ARHGEF4: variants seen among roughly 807,000 people sequenced by gnomAD.
ARHGEF4 encodes the protein APC-stimulated guanine nucleotide exchange factor 1.
Under a neutral mutation model 162.0 loss-of-function variants are expected in ARHGEF4, and 119 were observed. The ratio of observed to expected loss-of-function variants is 0.73; its 90% CI spans 0.63 to 0.86. ARHGEF4 has a LOEUF of 0.86. Ranked by LOEUF, ARHGEF4 falls within the 40% of genes least tolerant of loss-of-function variation. The pLI, the probability that ARHGEF4 is intolerant of heterozygous loss-of-function variation, is 0.00. For missense variants in ARHGEF4, 2,488 were observed against 2,456.0 expected (o/e 1.01, Z -0.28); for synonymous variants, 1,014 against 979.9 (o/e 1.03, Z -0.65).
At chr2:130,977,274 G>A (rs942866112) in intron 4 of ARHGEF4, among the ~76,000 whole-genome samples, 1 of 151,908 alleles carries the variant, frequency 6.6e-6, no homozygotes, top group Admixed American at 6.6e-5. Flanking sequence ...GTATGTGCTA[G>A]TGTGGTGTGT....
At chr2:130,981,135 GAGGC>G (rs1383895318) in intron 4 of ARHGEF4, among the ~76,000 whole-genome samples, 1 of 152,066 alleles carries the variant, frequency 6.6e-6, no homozygotes, top group Admixed American at 6.5e-5. Flanking sequence ...TAGATCATTA[GAGGC>G]AAGCAAATCC....
intron 5 of ARHGEF4, among the ~76,000 whole-genome samples, chr2:131,036,536 T>A (rs1383113239): frequency 6.6e-6 from 1 of 152,210 alleles, no homozygotes; most frequent in East Asian, 1.9e-4. Flanking sequence ...GAAGCCCTCC[T>A]CTTGCCCGAC....
intron 5 of ARHGEF4, among the ~76,000 whole-genome samples, chr2:131,031,643 C>T (rs1042014601): frequency 2.0e-5 from 3 of 152,188 alleles, no homozygotes; most frequent in African/African-American, 4.8e-5. Context: ...CCCTGCCCCT[C>T]GTGAGTGTCC....
intron 8 of ARHGEF4, among the ~76,000 whole-genome samples, chr2:131,041,015 CG>C (rs992450264): frequency 2.0e-5 from 3 of 152,142 alleles, no homozygotes; most frequent in Admixed American, 1.3e-4. Context: ...AGCGTGCAGC[CG>C]GGACACCTGC....
intron 1 of ARHGEF4, among the ~76,000 whole-genome samples, chr2:130,907,453 G>A (rs1013913844): frequency 2.0e-5 from 3 of 151,318 alleles, no homozygotes; most frequent in East Asian, 2.0e-4. Context: ...TCCTGACCTC[G>A]TGATCCGCCC....
Position 131,032,848 on chromosome 2 carries a change from C to CTT in ARHGEF4, c.4125+4785_4125+4786dup, listed in dbSNP as rs111971610. Among the ~76,000 whole-genome samples the CTT allele has an allele frequency of 4.0e-3, 520 of 128,516 alleles. 6 individuals are homozygous for CTT. Among genetic ancestry groups the CTT allele is most frequent in the African/African-American group, 6.8e-3 (201 of 29,724 alleles). 84.3% of individuals were successfully genotyped at this position (128,516 alleles called of 152,430 possible). On this transcript the variant is annotated intron_variant, in intron 5 of 13. Transcript: ENST00000409359. ...TTTCTTTTCTTTTCTTTTCTTTTTT[C>CTT]TTTTTTTTTTTTTTTTTTTTTTGAG...
chr2:130,847,547 T>G (rs1477306309), intron 1 of ARHGEF4, among the ~76,000 whole-genome samples: 2 of 152,246 alleles, frequency 1.3e-5, no homozygotes, highest in African/African-American at 4.8e-5. Context: ...TCACATGTGC[T>G]GACGTTTGTG....
rs370262898 is a variant in ARHGEF4 at position 130,887,824 on chromosome 2, C to T, written c.40-26162C>T. 7.2e-5 allele frequency among the ~76,000 whole-genome samples: 11 copies of T among 152,202 alleles called. 1 individual carries two copies. Among genetic ancestry groups the T allele is most frequent in the African/African-American group, 2.4e-4 (10 of 41,464 alleles). ...TCTCCAGGACGGCGTCCTTTGCCTC[C>T]ACTGTGCTGGGAAGGAGGATGGAGG... On this transcript the variant is annotated intron_variant, in intron 1 of 13. Transcript: ENST00000409359.
chr2:130,892,201 T>C (rs1334330455), intron 1 of ARHGEF4, among the ~76,000 whole-genome samples: 1 of 152,112 alleles, frequency 6.6e-6, no homozygotes, highest in Non-Finnish European at 1.5e-5. Context: ...GACCTAGTGG[T>C]CTTGAGGCTC....
chr2:130,844,152 C>G (rs1026953873), intron 1 of ARHGEF4, among the ~76,000 whole-genome samples: 1 of 152,272 alleles, frequency 6.6e-6, no homozygotes, highest in Non-Finnish European at 1.5e-5. Context: ...CTGAGCGCAA[C>G]TAGCTCCCTG....
At chr2:130,840,186 GCACA>G (rs1322762473) in intron 1 of ARHGEF4, among the ~76,000 whole-genome samples, 6 of 151,846 alleles carry the variant, frequency 4.0e-5, no homozygotes, top group East Asian at 1.9e-4. Flanking sequence ...GGACACACAG[GCACA>G]CACACAGACA....
Position 130,915,819 on chromosome 2 carries a change from T to G in ARHGEF4, c.1873T>G (p.Ser625Ala), listed in dbSNP as rs1254156548. The change falls in exon 2 of 14, where the codon TCG becomes GCG. Residue 625 changes from serine to alanine, a missense_variant. Coordinates refer to ENST00000409359, the MANE Select transcript of ARHGEF4 (RefSeq NM_001367493.1). Reference protein sequence around the residue: ...QLEPKAGGEASRGRGALIIVA... With the variant: ...QLEPKAGGEAARGRGALIIVA... ...GGAGCCCAAAGCAGGCGGCGAGGCCTCGAGGGGCAGGGGCGCCCTCATCAT... is the reference window on the plus strand; with the variant it reads ...GGAGCCCAAAGCAGGCGGCGAGGCCGCGAGGGGCAGGGGCGCCCTCATCAT... 1 of 1,525,624 alleles carries G rather than the reference T, an allele frequency of 6.6e-7. No homozygotes were observed. 94.5% of individuals were successfully genotyped at this position (1,525,624 alleles called of 1,614,324 possible). A position where few individuals can be genotyped will look rare whatever the true frequency, so the allele number is the denominator to read the frequency against.
chr2:130,898,337 G>A (rs1188154549), intron 1 of ARHGEF4, among the ~76,000 whole-genome samples: 1 of 152,196 alleles, frequency 6.6e-6, no homozygotes, highest in Non-Finnish European at 1.5e-5. Flanking sequence ...GAAGAAGCGG[G>A]GAGCCTTCCA....
At chr2:130,872,151 T>G (rs894026273) in intron 1 of ARHGEF4, among the ~76,000 whole-genome samples, 2 of 152,100 alleles carry the variant, frequency 1.3e-5, no homozygotes, top group African/African-American at 4.8e-5. Context: ...TAAAAATGAG[T>G]TAAAGCCTAT....
At chr2:130,926,052 T>TTCTC in intron 2 of ARHGEF4, among the ~76,000 whole-genome samples, 1 of 98,388 alleles carries the variant, frequency 1.0e-5, no homozygotes, top group East Asian at 2.7e-4. Context: ...TTCTTTCTCT[T>TTCTC]TCTTTCTTTC....
intron 1 of ARHGEF4, among the ~76,000 whole-genome samples, chr2:130,855,102 C>G (rs765898971): frequency 4.6e-5 from 7 of 151,788 alleles, no homozygotes; most frequent in Non-Finnish European, 7.4e-5. Flanking sequence ...GCCTCAATCT[C>G]CTGACCTTGT....
At chr2:130,906,852 T>C (rs1680844588) in intron 1 of ARHGEF4, among the ~76,000 whole-genome samples, 1 of 152,240 alleles carries the variant, frequency 6.6e-6, no homozygotes, top group Non-Finnish European at 1.5e-5. Flanking sequence ...ATAGTCCATC[T>C]TGGGTTTCCC....
intron 4 of ARHGEF4, among the ~76,000 whole-genome samples, chr2:131,025,648 T>C (rs1270545648): frequency 2.0e-5 from 3 of 152,238 alleles, no homozygotes; most frequent in Non-Finnish European, 4.4e-5. Flanking sequence ...TAACATTTCC[T>C]AAACGTCGAC....
At chr2:130,954,665 G>A (rs1394138802) in intron 4 of ARHGEF4, among the ~76,000 whole-genome samples, 1 of 152,206 alleles carries the variant, frequency 6.6e-6, no homozygotes, top group Non-Finnish European at 1.5e-5. Flanking sequence ...TATTGAAGAA[G>A]GCTTGATGAG....
Sources: allele counts gnomAD v4.1 joint callset (sites outside exome capture counted in the v4.1 genomes callset), GRCh38; gene constraint gnomAD v4.1.1; transcripts MANE v1.5; gene names NCBI Gene and HGNC (gene_info 2026-07-23, HGNC 2026-07-21).